The following TTC27 variants were observed in gnomAD, a reference collection of about 807,000 sequenced individuals.
TTC27 encodes the protein tetratricopeptide repeat protein 27.
In TTC27, 79 loss-of-function variants were observed where a neutral mutation model predicts 115.9. The observed-to-expected ratio is 0.68, with a 90% confidence interval of 0.57 to 0.82. TTC27 has a LOEUF of 0.82. Ranked by LOEUF, TTC27 falls within the 40% of genes least tolerant of loss-of-function variation. The pLI, the probability that TTC27 is intolerant of heterozygous loss-of-function variation, is 0.00. For synonymous variants in TTC27, 401 were observed against 356.0 expected (o/e 1.13, Z -1.42); for missense variants, 1,054 against 993.1 (o/e 1.06, Z -0.82).
rs2063525042 is a variant in TTC27, at chr2:32,628,259, G to A, written c.-34G>A. The A allele has an allele frequency of 6.3e-7, 1 of 1,586,992 alleles. No homozygotes were observed. Among genetic ancestry groups the A allele is most frequent in the African/African-American group, 1.3e-5 (1 of 74,888 alleles). On this transcript the variant is annotated 5_prime_UTR_variant, in exon 1 of 20. Transcript: ENST00000317907. ...TGTTGACTCCCGTGTGGCCCTCGTG[G>A]GAGCCTGTTTTGGCTGCAGCGGTGT... is the stretch of plus-strand genomic sequence containing the variant.
At chr2:32,749,596 G>A (rs1397496874) in intron 12 of TTC27, among the ~76,000 whole-genome samples, 1 of 152,176 alleles carries the variant, frequency 6.6e-6, no homozygotes, top group Non-Finnish European at 1.5e-5. Flanking sequence ...CAGTTTTCTG[G>A]TTATTTTGTA....
chr2:32,753,523 TG>T (rs1669092385), intron 12 of TTC27, among the ~76,000 whole-genome samples: 2 of 147,962 alleles, frequency 1.4e-5, no homozygotes, highest in East Asian at 4.1e-4. Context: ...CTGCAACCTC[TG>T]CCTCCCACTC....
intron 14 of TTC27, among the ~76,000 whole-genome samples, chr2:32,781,828 G>A (rs1407460140): frequency 6.6e-6 from 1 of 152,174 alleles, no homozygotes; most frequent in Non-Finnish European, 1.5e-5. Flanking sequence ...CTCCAGTTTT[G>A]CTAGTTTAGA....
chr2:32,812,175 G>A (rs1671338012), intron 17 of TTC27, among the ~76,000 whole-genome samples: 1 of 152,188 alleles, frequency 6.6e-6, no homozygotes. Context: ...CCAAGTTCAT[G>A]CCTCATTCTC....
intron 14 of TTC27, 28 bp downstream of exon 14, chr2:32,778,008 C>A (rs373145365): frequency 6.2e-7 from 1 of 1,605,306 alleles, no homozygotes; most frequent in Non-Finnish European, 8.5e-7. Context: ...TCTGTCCTTA[C>A]GTGGCTCTTT....
rs1665983390 is a variant in TTC27 at position 32,670,721 on chromosome 2, G to T, written c.940-1551G>T. Reference sequence around the variant, plus strand: ...CAACCTCCACCTCCCGGGTTCAAGTGATTCTCCTGCCTCAGCCTCCCGAGT... The same window carrying T: ...CAACCTCCACCTCCCGGGTTCAAGTTATTCTCCTGCCTCAGCCTCCCGAGT... On this transcript the variant is annotated intron_variant, in intron 7 of 19. Coordinates refer to ENST00000317907, the MANE Select transcript of TTC27 (RefSeq NM_017735.5). Among the ~76,000 whole-genome samples the T allele has an allele frequency of 3.9e-5, 6 of 152,096 alleles. 1 individual carries two copies. The highest frequency in any genetic ancestry group is 3.9e-4 in the Admixed American group (6 of 15,266).
At chr2:32,711,312 AG>A (rs775145913) in intron 10 of TTC27, among the ~76,000 whole-genome samples, 1 of 152,146 alleles carries the variant, frequency 6.6e-6, no homozygotes, top group Non-Finnish European at 1.5e-5. Flanking sequence ...CTGCCTCCGC[AG>A]GGTAGTACTG....
intron 12 of TTC27, among the ~76,000 whole-genome samples, chr2:32,756,635 G>C (rs1669242140): frequency 6.6e-6 from 1 of 152,174 alleles, no homozygotes; most frequent in Non-Finnish European, 1.5e-5. Flanking sequence ...AAGGAGTATA[G>C]ATATGCCCAA....
chr2:32,729,330 A>G (rs572335183), intron 10 of TTC27, among the ~76,000 whole-genome samples: 1 of 152,212 alleles, frequency 6.6e-6, no homozygotes, highest in African/African-American at 2.4e-5. Flanking sequence ...TGTAGTTTTG[A>G]TCTTCTCTAG....
rs1437550193 is a variant in TTC27, at chr2:32,725,228, A to G, written c.1234-8600A>G. 2.0e-5 allele frequency among the ~76,000 whole-genome samples: 3 copies of G among 152,144 alleles called. No individual in the cohort carries two copies. The East Asian group carries it at 5.8e-4, about 29-fold the overall frequency. ...TTTCAAAATCAATCATGCCATCCCAACAGTCCCCCAAAGTCTTAACTCATT... is the reference window on the plus strand; with the variant it reads ...TTTCAAAATCAATCATGCCATCCCAGCAGTCCCCCAAAGTCTTAACTCATT... On this transcript the variant is annotated intron_variant, in intron 10 of 19. Transcript: ENST00000317907.
chr2:32,690,045 G>T (rs1167719311), intron 9 of TTC27, among the ~76,000 whole-genome samples: 1 of 152,108 alleles, frequency 6.6e-6, no homozygotes, highest in Non-Finnish European at 1.5e-5. Flanking sequence ...CTTGCTTAAG[G>T]TCATCATGAG....
intron 9 of TTC27, among the ~76,000 whole-genome samples, chr2:32,685,730 C>G (rs1666606153): frequency 6.6e-6 from 1 of 152,140 alleles, no homozygotes; most frequent in Admixed American, 6.5e-5. Flanking sequence ...GAATATCAAC[C>G]TGATTAAGTG....
chr2:32,765,357 C>CTTT (rs35543003), intron 13 of TTC27, among the ~76,000 whole-genome samples: 6 of 139,666 alleles, frequency 4.3e-5, no homozygotes, highest in Admixed American at 7.1e-5. Context: ...TGAAAGGAAT[C>CTTT]TTTTTTTTTT....
intron 16 of TTC27, among the ~76,000 whole-genome samples, chr2:32,802,445 C>T (rs1267617543): frequency 1.3e-5 from 2 of 152,116 alleles, no homozygotes; most frequent in Non-Finnish European, 2.9e-5. Flanking sequence ...CTCTGGTGCT[C>T]TTTTTGTAGT....
intron 16 of TTC27, among the ~76,000 whole-genome samples, chr2:32,810,236 G>T (rs1357006657): frequency 6.6e-6 from 1 of 152,192 alleles, no homozygotes; most frequent in African/African-American, 2.4e-5. Flanking sequence ...ATTAGGAGGG[G>T]CTAGGACCTC....
chr2:32,785,698 C>T (rs1266806845), intron 15 of TTC27, among the ~76,000 whole-genome samples: 6 of 151,962 alleles, frequency 3.9e-5, no homozygotes, highest in East Asian at 1.9e-4. Flanking sequence ...CGGGTTCAAG[C>T]GACTCTCCTG....
At chr2:32,661,458 G>A (rs1160448122) in intron 5 of TTC27, among the ~76,000 whole-genome samples, 1 of 152,116 alleles carries the variant, frequency 6.6e-6, no homozygotes, top group Non-Finnish European at 1.5e-5. Context: ...GCAGTGGTTT[G>A]TAGTTCTCCT....
At chr2:32,638,447 C>T (rs1459356474) in intron 3 of TTC27, among the ~76,000 whole-genome samples, 1 of 152,236 alleles carries the variant, frequency 6.6e-6, no homozygotes, top group South Asian at 2.1e-4. Flanking sequence ...AGCATGATCA[C>T]GGCTCACTGT....
intron 13 of TTC27, among the ~76,000 whole-genome samples, chr2:32,762,345 T>C (rs1669470666): frequency 6.9e-6 from 1 of 145,850 alleles, no homozygotes; most frequent in Non-Finnish European, 1.5e-5. Flanking sequence ...AACAGAGGTT[T>C]GGTGAAGAGG....
Sources: gnomAD v4.1 joint callset for allele counts (sites outside exome capture counted in the v4.1 genomes callset) on GRCh38, gnomAD v4.1.1 for gene constraint, MANE v1.5 for transcripts, NCBI Gene and HGNC (gene_info 2026-07-23, HGNC 2026-07-21) for gene names.